SLC1A1: variants seen among roughly 807,000 people sequenced by gnomAD.
The protein encoded by SLC1A1 is solute carrier family 1 member 1.
In SLC1A1, 43 loss-of-function variants were observed where a neutral mutation model predicts 53.3. The ratio of observed to expected loss-of-function variants is 0.81; its 90% CI spans 0.63 to 1.04. The LOEUF (loss-of-function observed/expected upper bound fraction) is 1.04. Ranked by LOEUF, SLC1A1 falls within the 50% of genes least tolerant of loss-of-function variation. SLC1A1 has a pLI of 0.00. For missense variants in SLC1A1, 748 were observed against 664.9 expected (o/e 1.12, Z -1.37); for synonymous variants, 307 against 243.2 (o/e 1.26, Z -2.44).
chr9:4,552,648 G>T (rs1195440677), intron 2 of SLC1A1, among the ~76,000 whole-genome samples: 5 of 152,016 alleles, frequency 3.3e-5, no homozygotes, highest in African/African-American at 1.2e-4. Context: ...CATCCTAGAG[G>T]GGCAAGAGAG....
At chr9:4,496,187 G>A (rs1318059919) in intron 1 of SLC1A1, among the ~76,000 whole-genome samples, 1 of 152,102 alleles carries the variant, frequency 6.6e-6, no homozygotes. Flanking sequence ...GAAACCGGAC[G>A]TGGTGTGATA....
chr9:4,528,798 T>G (rs1816361692), intron 1 of SLC1A1, among the ~76,000 whole-genome samples: 1 of 151,994 alleles, frequency 6.6e-6, no homozygotes, highest in South Asian at 2.1e-4. Context: ...TTACCTTTCT[T>G]TGTGACACTG....
intron 1 of SLC1A1, among the ~76,000 whole-genome samples, chr9:4,518,184 G>A (rs991393947): frequency 2.4e-5 from 3 of 123,682 alleles, no homozygotes; most frequent in African/African-American, 6.1e-5. Context: ...GCAGTGAGCC[G>A]AGATCTCACC....
chr9:4,534,543 C>G (rs1487125360), intron 1 of SLC1A1, among the ~76,000 whole-genome samples: 1 of 152,136 alleles, frequency 6.6e-6, no homozygotes, highest in Non-Finnish European at 1.5e-5. Flanking sequence ...AGACCAATAA[C>G]AGGCTCTGAA....
At chr9:4,545,646 C>T (rs1330561816) in intron 2 of SLC1A1, among the ~76,000 whole-genome samples, 4 of 152,204 alleles carry the variant, frequency 2.6e-5, no homozygotes, top group Non-Finnish European at 5.9e-5. Context: ...TGGGGACCAG[C>T]AGTCAAGTTC....
chr9:4,528,511 G>A lies in SLC1A1; in HGVS notation c.92-16056G>A, dbSNP rs182448489. Among the ~76,000 whole-genome samples, 689 of 152,252 alleles carry A rather than the reference G, an allele frequency of 4.5e-3. 3 individuals are homozygous for A. The highest frequency in any genetic ancestry group is 8.0e-3 in the Non-Finnish European group (541 of 68,024). ...GAATGGCGTGAACCCGGGAGGCGGA[G>A]GTTGCAGTGAGCCAAGATCACGCCA... On this transcript the variant is annotated intron_variant, in intron 1 of 11. Coordinates refer to ENST00000262352, the MANE Select transcript of SLC1A1 (RefSeq NM_004170.6).
chr9:4,548,290 G>A (rs1399767414), intron 2 of SLC1A1, among the ~76,000 whole-genome samples: 1 of 152,080 alleles, frequency 6.6e-6, no homozygotes, highest in African/African-American at 2.4e-5. Context: ...ACACAGGAAG[G>A]GCCATTTCAC....
chr9:4,494,137 T>A (rs890022606), intron 1 of SLC1A1, among the ~76,000 whole-genome samples: 1 of 152,176 alleles, frequency 6.6e-6, no homozygotes, highest in South Asian at 2.1e-4. Context: ...TTACAATTCT[T>A]ATAGGCTTAT....
At position 4,519,580 on chromosome 9, in the gene SLC1A1, A is replaced by G. The variant is rs1257948304; in HGVS notation, c.92-24987A>G. Among the ~76,000 whole-genome samples the G allele has an allele frequency of 2.0e-5, 3 of 152,314 alleles. No homozygotes were observed. In the East Asian group the frequency reaches 5.8e-4, roughly 29 times the overall value. On this transcript the variant is annotated intron_variant, in intron 1 of 11. Coordinates refer to ENST00000262352, the MANE Select transcript of SLC1A1 (RefSeq NM_004170.6). ...ATCTGTTGTTATTATTCAATCATAA[A>G]TATTTATTGAGCCTTCCTGCAGGCC...
intron 7 of SLC1A1, 109 bp from the exon 8 acceptor site, chr9:4,573,798 T>C (rs1221905737): frequency 3.8e-6 from 3 of 786,494 alleles, no homozygotes; most frequent in Admixed American, 3.4e-5. Context: ...CTCCACCAAG[T>C]GTGCATGCCA....
At chr9:4,542,592 T>A (rs1342491671) in intron 1 of SLC1A1, among the ~76,000 whole-genome samples, 1 of 152,188 alleles carries the variant, frequency 6.6e-6, no homozygotes, top group African/African-American at 2.4e-5. Context: ...TTCTTTGACA[T>A]ACAAGCCAAA....
intron 7 of SLC1A1, 60 bp downstream of exon 7, chr9:4,572,448 T>C: frequency 7.0e-7 from 1 of 1,425,852 alleles, no homozygotes; most frequent in Non-Finnish European, 9.9e-7. Flanking sequence ...TCCTCAAAAT[T>C]AGAAAGAAGA....
intron 11 of SLC1A1, among the ~76,000 whole-genome samples, chr9:4,584,669 A>C (rs1293108189): frequency 6.6e-6 from 1 of 152,150 alleles, no homozygotes; most frequent in Non-Finnish European, 1.5e-5. Flanking sequence ...TGCCTTCTCT[A>C]CCTGTCTTCC....
intron 1 of SLC1A1, among the ~76,000 whole-genome samples, chr9:4,498,185 G>C (rs890487673): frequency 2.0e-5 from 3 of 152,118 alleles, no homozygotes; most frequent in East Asian, 3.8e-4. Context: ...AGCTAAGGGG[G>C]TTCAAAGGGC....
At chr9:4,575,091 T>G (rs1199037956) in intron 8 of SLC1A1, among the ~76,000 whole-genome samples, 1 of 152,212 alleles carries the variant, frequency 6.6e-6, no homozygotes, top group Non-Finnish European at 1.5e-5. Context: ...CTGGTTTCTA[T>G]TCTCTTACCC....
At chr9:4,512,150 G>C (rs1379703642) in intron 1 of SLC1A1, among the ~76,000 whole-genome samples, 1 of 152,210 alleles carries the variant, frequency 6.6e-6, no homozygotes, top group Non-Finnish European at 1.5e-5. Flanking sequence ...TTGATGTATA[G>C]ATTTAATGCA....
At chr9:4,491,036 T>TGG (rs1398891867) in intron 1 of SLC1A1, among the ~76,000 whole-genome samples, 5 of 152,152 alleles carry the variant, frequency 3.3e-5, no homozygotes, top group African/African-American at 1.2e-4. Context: ...CAAAGGGGCT[T>TGG]GGGGGTAGAA....
intron 6 of SLC1A1, among the ~76,000 whole-genome samples, chr9:4,569,678 A>G (rs375014213): frequency 1.9e-4 from 29 of 152,098 alleles, no homozygotes; most frequent in African/African-American, 6.8e-4. Context: ...CTACTGCAGA[A>G]AGCCTTAACT....
rs894201287 is a variant in SLC1A1 at position 4,585,626 on chromosome 9, T to C, written c.*68T>C. The stretch of plus-strand genomic sequence containing the variant: ...CGTGAGAGTCATCTCAAACACTGCT[T>C]AAGGAAAAGAGAAACACTAATGGCC... On this transcript the variant is annotated 3_prime_UTR_variant, in exon 12 of 12. Coordinates refer to ENST00000262352, the MANE Select transcript of SLC1A1 (RefSeq NM_004170.6). 1.3e-5 allele frequency: 20 copies of C among 1,580,690 alleles called. No individual in the cohort carries two copies. Among genetic ancestry groups the C allele is most frequent in the Non-Finnish European group, 1.7e-5 (20 of 1,150,686 alleles).
Sources: gnomAD v4.1 joint callset for allele counts (sites outside exome capture counted in the v4.1 genomes callset) on GRCh38, gnomAD v4.1.1 for gene constraint, MANE v1.5 for transcripts, NCBI Gene and HGNC (gene_info 2026-07-23, HGNC 2026-07-21) for gene names.